The following ATXN10 variants were observed in gnomAD, a reference collection of about 807,000 sequenced individuals.
ATXN10 encodes ataxin-10.
ATXN10 carries 28 observed loss-of-function variants against 52.9 expected under a neutral mutation model. The observed-to-expected ratio is 0.53, with a 90% CI of 0.39 to 0.73. The LOEUF (loss-of-function observed/expected upper bound fraction) is 0.73, where lower values mean the gene tolerates loss of function less well. Among genes scored for constraint, ATXN10 ranks in the 30% least tolerant of loss-of-function variants. The pLI is 0.00. For missense variants in ATXN10, 565 were observed against 577.0 expected, an observed-to-expected ratio of 0.98 and a Z score of 0.21; for synonymous variants, 226 against 221.5, an observed-to-expected ratio of 1.02 and a Z score of -0.18.
chr22:45,817,287 A>G (rs933893069), intron 10 of ATXN10, among the ~76,000 whole-genome samples: 11 of 147,706 alleles, frequency 7.4e-5, no homozygotes, highest in African/African-American at 2.7e-4. Context: ...TTAAGAGAGA[A>G]TCTTTTTGGT....
In ATXN10 at chr22:45,705,520, G is replaced by A. The variant is rs1296745378; in HGVS notation, c.647+2673G>A. Among the ~76,000 whole-genome samples, 2 of 151,696 alleles carry A rather than the reference G, an allele frequency of 1.3e-5. No individual in the cohort carries two copies. The highest frequency in any genetic ancestry group is 1.9e-4 in the East Asian group (1 of 5,158). On this transcript the variant is annotated intron_variant, in intron 5 of 11. Transcript: ENST00000252934. The surrounding 1 kb of genome is among the most constrained non-coding windows in gnomAD (Gnocchi z 5.2). Reference sequence around the variant, plus strand: ...GCGATCTCGGCTCACTGCAACCTCCGCCTCTTGGGTTCAAGCAATTCTCTG... The same window carrying A: ...GCGATCTCGGCTCACTGCAACCTCCACCTCTTGGGTTCAAGCAATTCTCTG...
chr22:45,817,609 G>A (rs1398285292), intron 10 of ATXN10, among the ~76,000 whole-genome samples: 1 of 151,952 alleles, frequency 6.6e-6, no homozygotes, highest in Admixed American at 6.5e-5. Flanking sequence ...ACAGGCGTGA[G>A]CCACCCTGCC....
Position 45,781,592 on chromosome 22 carries a change from A to C in ATXN10, c.1174-25367A>C, listed in dbSNP as rs1308354082. ...AAAATCATGGGTTACACTAAGGACC[A>C]GGAAAATCTTAGCTTAAGTGAGCAA... is the stretch of plus-strand genomic sequence containing the variant. On this transcript the variant is annotated intron_variant, in intron 9 of 11. Transcript: ENST00000252934. The surrounding 1 kb of genome is among the most constrained non-coding windows in gnomAD (Gnocchi z 4.2). Among the ~76,000 whole-genome samples the C allele has an allele frequency of 6.6e-6, 1 of 152,256 alleles. No individual in the cohort carries two copies. Among genetic ancestry groups the C allele is most frequent in the African/African-American group, 2.4e-5 (1 of 41,470 alleles).
At chr22:45,797,895 AAAGAT>A (rs1927800328) in intron 9 of ATXN10, among the ~76,000 whole-genome samples, 1 of 152,250 alleles carries the variant, frequency 6.6e-6, no homozygotes, top group African/African-American at 2.4e-5. Flanking sequence ...CAGACATTAA[AAAGAT>A]AATAAGAGAA....
Position 45,705,201 on chromosome 22 carries a change from A to G in ATXN10, c.647+2354A>G, listed in dbSNP as rs1349146981. On this transcript the variant is annotated intron_variant, in intron 5 of 11. Coordinates refer to ENST00000252934, the MANE Select transcript of ATXN10 (RefSeq NM_013236.4). This position sits in a 1 kb window ranked among gnomAD's most constrained non-coding sequence, Gnocchi z 5.2. ...ATTTTTGAATCTATATTCATAAGGC[A>G]TATTGGTTTGTAGCTTTTTTTTCTT... is the stretch of plus-strand genomic sequence containing the variant. Among the ~76,000 whole-genome samples the G allele has an allele frequency of 2.6e-5, 4 of 152,116 alleles. No individual in the cohort carries two copies. The highest frequency in any genetic ancestry group is 5.9e-5 in the Non-Finnish European group (4 of 68,024).
At position 45,783,645 on chromosome 22, in the gene ATXN10, C is replaced by T. The variant is rs572385830; in HGVS notation, c.1174-23314C>T. Among the ~76,000 whole-genome samples, 16 of 152,298 alleles carry T rather than the reference C, an allele frequency of 1.1e-4. No individual in the cohort carries two copies. The South Asian group carries it at 3.3e-3, about 32-fold the overall frequency. On this transcript the variant is annotated intron_variant, in intron 9 of 11. Transcript: ENST00000252934. The surrounding 1 kb of genome is among the most constrained non-coding windows in gnomAD (Gnocchi z 5.0). ...GGGCCTTCTCTCTCCCTTATCCCCA[C>T]CCACATCCTGACATTGGTAAGAGCA...
chr22:45,714,494 C>T (rs894403843), intron 5 of ATXN10, among the ~76,000 whole-genome samples: 7 of 152,058 alleles, frequency 4.6e-5, no homozygotes, highest in Non-Finnish European at 8.8e-5. Flanking sequence ...AATCTTCCCT[C>T]CTCAGCCCAC....
chr22:45,829,333 C>T (rs910402916), intron 10 of ATXN10, among the ~76,000 whole-genome samples: 6 of 152,102 alleles, frequency 3.9e-5, no homozygotes, highest in Admixed American at 2.0e-4. Context: ...AAGGCAAGGA[C>T]GTCCACTTTC....
Position 45,681,229 on chromosome 22 carries a change from C to T in ATXN10, c.117-8483C>T, listed in dbSNP as rs752472916. ...TTTATATAGATTTTCCTTTCATTAT[C>T]CTGACCTCGAATTTCTTTGACTTTC... On this transcript the variant is annotated intron_variant, in intron 1 of 11. Coordinates refer to ENST00000252934, the MANE Select transcript of ATXN10 (RefSeq NM_013236.4). This position sits in a 1 kb window ranked among gnomAD's most constrained non-coding sequence, Gnocchi z 4.2. 8.4e-4 allele frequency among the ~76,000 whole-genome samples: 128 copies of T among 152,278 alleles called. No homozygotes were observed. The highest frequency in any genetic ancestry group is 3.4e-3 in the Middle Eastern group (1 of 294).
Position 45,840,603 on chromosome 22 carries a change from G to T in ATXN10, c.1238-2388G>T, listed in dbSNP as rs926523364. On this transcript the variant is annotated intron_variant, in intron 10 of 11. Coordinates refer to ENST00000252934, the MANE Select transcript of ATXN10 (RefSeq NM_013236.4). This position sits in a 1 kb window ranked among gnomAD's most constrained non-coding sequence, Gnocchi z 5.8. Reference sequence around the variant, plus strand: ...CGCCTGGCAGGAGAGGTGGGTAGGGGCCGTCTGGCAGGGTCTCACGTGCCC... The same window carrying T: ...CGCCTGGCAGGAGAGGTGGGTAGGGTCCGTCTGGCAGGGTCTCACGTGCCC... Among the ~76,000 whole-genome samples the T allele has an allele frequency of 6.6e-6, 1 of 152,144 alleles. No individual in the cohort carries two copies. The highest frequency in any genetic ancestry group is 2.4e-5 in the African/African-American group (1 of 41,424).
intron 1 of ATXN10, among the ~76,000 whole-genome samples, chr22:45,685,029 T>C (rs1923080058): frequency 6.6e-6 from 1 of 152,020 alleles, no homozygotes; most frequent in Non-Finnish European, 1.5e-5. Flanking sequence ...AAATCTAAGG[T>C]ATTAGAATAA....
chr22:45,720,973 C>G (rs1924628463), intron 6 of ATXN10, among the ~76,000 whole-genome samples: 1 of 152,150 alleles, frequency 6.6e-6, no homozygotes, highest in South Asian at 2.1e-4. Flanking sequence ...AGACACAGTC[C>G]CTGCCCTTAC....
Position 45,715,644 on chromosome 22 carries a change from T to C in ATXN10, c.648-2769T>C, listed in dbSNP as rs537658748. 2.0e-5 allele frequency among the ~76,000 whole-genome samples: 3 copies of C among 152,364 alleles called. No homozygotes were observed. The highest frequency in any genetic ancestry group is 7.2e-5 in the African/African-American group (3 of 41,578). ...AAGCCAAAAGATTGGACACCGCTGA[T>C]ACAGATGATCTTGGTAGTACTGTCG... On this transcript the variant is annotated intron_variant, in intron 5 of 11. Coordinates refer to ENST00000252934, the MANE Select transcript of ATXN10 (RefSeq NM_013236.4). The surrounding 1 kb of genome is among the most constrained non-coding windows in gnomAD (Gnocchi z 4.4).
intron 6 of ATXN10, among the ~76,000 whole-genome samples, chr22:45,722,718 C>T (rs769152929): frequency 2.0e-5 from 3 of 152,004 alleles, no homozygotes; most frequent in Non-Finnish European, 4.4e-5. Flanking sequence ...CTTGGACCCC[C>T]GGAGTCTCCT....
Position 45,795,424 on chromosome 22 carries a change from T to TATTCTATTC in ATXN10, c.1174-11535_1174-11534insATTCTATTC, listed in dbSNP as rs1555896219. Among the ~76,000 whole-genome samples, 3 of 147,450 alleles carry TATTCTATTC rather than the reference T, an allele frequency of 2.0e-5. No individual in the cohort carries two copies. The highest frequency in any genetic ancestry group is 2.0e-4 in the East Asian group (1 of 5,100). Reference sequence around the variant, plus strand: ...TATTCTATTCTATTCTATTCTATTCTTTTTGAGATGAAGTCTCTCTATGTT... The same window carrying TATTCTATTC: ...TATTCTATTCTATTCTATTCTATTCTATTCTATTCTTTTGAGATGAAGTCTCTCTATGTT... On this transcript the variant is annotated intron_variant, in intron 9 of 11. Coordinates refer to ENST00000252934, the MANE Select transcript of ATXN10 (RefSeq NM_013236.4). This position sits in a 1 kb window ranked among gnomAD's most constrained non-coding sequence, Gnocchi z 4.6.
chr22:45,783,747 A>G lies in ATXN10; in HGVS notation c.1174-23212A>G, dbSNP rs1477833228. 6.6e-6 allele frequency among the ~76,000 whole-genome samples: 1 copy of G among 152,242 alleles called. No individual in the cohort carries two copies. The highest frequency in any genetic ancestry group is 1.5e-5 in the Non-Finnish European group (1 of 68,046). ...GTAGCTTTCTTTTAAATGTTTATCA[A>G]ATAAATAAATAGAAGATTAAAAGAG... On this transcript the variant is annotated intron_variant, in intron 9 of 11. Coordinates refer to ENST00000252934, the MANE Select transcript of ATXN10 (RefSeq NM_013236.4). This position sits in a 1 kb window ranked among gnomAD's most constrained non-coding sequence, Gnocchi z 5.0.
At position 45,729,505 on chromosome 22, in the gene ATXN10, G is replaced by A. The variant is rs202151442; in HGVS notation, c.809G>A (p.Arg270Gln). Residue 270 changes from arginine (R) to glutamine (Q), a missense_variant, in exon 7 of 12, where the codon CGG (arginine) becomes CAG (glutamine). Arg to Gln is a conservative substitution (Grantham distance 43). Coordinates refer to ENST00000252934, the MANE Select transcript of ATXN10 (RefSeq NM_013236.4). The part of the protein sequence containing the change: ...LTKDDIPVFL[R>Q]HAELIASTFV... ...AAGGATGACATCCCTGTGTTTTTGC[G>A]GCATGCTGAGTTGATTGCAAGCACC... is the stretch of plus-strand genomic sequence containing the variant. 35 of 1,614,038 alleles carry A rather than the reference G, an allele frequency of 2.2e-5. No individual in the cohort carries two copies. The Admixed American group carries it at 4.2e-4, about 19-fold the overall frequency.
chr22:45,711,250 GA>G (rs148335217), intron 5 of ATXN10, among the ~76,000 whole-genome samples: 3,976 of 147,494 alleles, frequency 0.027, 183 homozygotes, highest in African/African-American at 0.092. Context: ...ATAGCAGAGT[GA>G]AAAAAAAAAG....
intron 9 of ATXN10, among the ~76,000 whole-genome samples, chr22:45,785,803 G>A (rs906325919): frequency 1.1e-4 from 16 of 152,246 alleles, no homozygotes; most frequent in African/African-American, 3.6e-4. Context: ...GGTCTGCACC[G>A]TCCTGCAGGA....
Sources: gnomAD v4.1 joint callset for allele counts (sites outside exome capture counted in the v4.1 genomes callset) on GRCh38, gnomAD v4.1.1 for gene constraint, Gnocchi (gnomAD v3.1) non-coding constraint, MANE v1.5 for transcripts, NCBI Gene and HGNC (gene_info 2026-07-23, HGNC 2026-07-21) for gene names.